SCOC: variants seen among roughly 807,000 people sequenced by gnomAD.
SCOC encodes short coiled coil protein.
SCOC carries 7 observed loss-of-function variants against 9.9 expected under a neutral mutation model. That is an observed-to-expected ratio of 0.71 (90% CI 0.40 to 1.33). The LOEUF (loss-of-function observed/expected upper bound fraction) is 1.33, where lower values mean the gene tolerates loss of function less well. SCOC is among the 40% of genes most tolerant of loss of function. The pLI is 0.01. For synonymous variants in SCOC, 19 were observed against 28.2 expected (o/e 0.67, Z 1.03); for missense variants, 66 against 89.7 (o/e 0.74, Z 1.07).
intron 2 of SCOC, among the ~76,000 whole-genome samples, chr4:140,367,254 TAAATAA>T (rs1727844144): frequency 1.3e-5 from 2 of 152,060 alleles, no homozygotes; most frequent in African/African-American, 4.8e-5. Context: ...AATAAATAAA[TAAATAA>T]AAATATTAGT....
chr4:140,311,368 C>T (rs1732151272), intron 1 of SCOC, among the ~76,000 whole-genome samples: 1 of 152,130 alleles, frequency 6.6e-6, no homozygotes, highest in Non-Finnish European at 1.5e-5. Context: ...GCTGTAAATA[C>T]CCCTAGGGAG....
chr4:140,308,527 C>A (rs905353235), intron 1 of SCOC, among the ~76,000 whole-genome samples: 8 of 152,158 alleles, frequency 5.3e-5, no homozygotes, highest in African/African-American at 1.9e-4. Flanking sequence ...CACCCTCCTG[C>A]CAAGATTCTT....
chr4:140,261,108 A>C (rs974285510), intron 1 of SCOC, among the ~76,000 whole-genome samples: 2 of 152,238 alleles, frequency 1.3e-5, no homozygotes, highest in African/African-American at 4.8e-5. Flanking sequence ...GGAAGCTCAT[A>C]GTTTAGTGGG....
upstream of SCOC, chr4:140,373,527 CG>C: frequency 1.3e-6 from 2 of 1,551,662 alleles, no homozygotes; most frequent in South Asian, 1.2e-5. Context: ...TGGGGTGAGG[CG>C]GGCAGCTAAT....
intron 1 of SCOC, among the ~76,000 whole-genome samples, chr4:140,294,430 A>C (rs1032394302): frequency 2.0e-5 from 3 of 152,194 alleles, no homozygotes; most frequent in Non-Finnish European, 4.4e-5. Flanking sequence ...AGTCCCCTAC[A>C]TGCATGAATG....
upstream of SCOC, chr4:140,373,640 G>A: frequency 6.4e-7 from 1 of 1,551,590 alleles, no homozygotes; most frequent in African/African-American, 1.4e-5. Flanking sequence ...GGGCGGAGCT[G>A]CCGGGGTCAG....
chr4:140,348,556 GTA>G (rs146275903), intron 2 of SCOC, among the ~76,000 whole-genome samples: 20,654 of 100,506 alleles, frequency 0.21, 1,606 homozygotes, highest in Admixed American at 0.3. Context: ...ATATATGTGT[GTA>G]TATATATGTA....
chr4:140,367,635 C>G (rs1490862176), intron 2 of SCOC, among the ~76,000 whole-genome samples: 10 of 152,164 alleles, frequency 6.6e-5, no homozygotes, highest in Admixed American at 6.5e-4. Context: ...GCCTCAGCCT[C>G]CCAAAGTTCT....
At chr4:140,342,197 T>G (rs1330200121), upstream of SCOC, among the ~76,000 whole-genome samples, 1 of 152,138 alleles carries the variant, frequency 6.6e-6, no homozygotes, top group Non-Finnish European at 1.5e-5. Context: ...AATACCTTCC[T>G]GTCTCTGAGC....
At chr4:140,321,360 C>A (rs1560700081) in intron 1 of SCOC, among the ~76,000 whole-genome samples, 1 of 152,104 alleles carries the variant, frequency 6.6e-6, no homozygotes, top group Non-Finnish European at 1.5e-5. Flanking sequence ...TCAACAGAAC[C>A]AGCCTCATAA....
In SCOC at chr4:140,373,692, CCTT is replaced by C. The variant is rs1409077998; in HGVS notation, c.-73_-71del. The stretch of plus-strand genomic sequence containing the variant: ...GGCCTGAGGTGTCGGCCGGATCCCT[CCTT>C]CTCCCGGCGCCTCAAGCGGAAGGTG... On this transcript the variant is annotated 5_prime_UTR_variant, in exon 1 of 4. Coordinates refer to ENST00000608372, the MANE Select transcript of SCOC (RefSeq NM_001153484.2). 2.6e-6 allele frequency: 4 copies of C among 1,549,714 alleles called. No homozygotes were observed. Among genetic ancestry groups the C allele is most frequent in the Non-Finnish European group, 3.5e-6 (4 of 1,146,874 alleles).
chr4:140,373,614 G>A, upstream of SCOC: 1 of 1,551,720 alleles, frequency 6.4e-7, no homozygotes, highest in Non-Finnish European at 8.7e-7. Flanking sequence ...CACGGCGCAC[G>A]TTCTGTGGGC....
intron 1 of SCOC, among the ~76,000 whole-genome samples, chr4:140,324,120 A>G (rs1011051720): frequency 2.0e-5 from 3 of 152,162 alleles, no homozygotes; most frequent in African/African-American, 7.2e-5. Flanking sequence ...ATTCATCTCA[A>G]TAGAAACAAA....
At chr4:140,374,027 C>T (rs1445575053) in intron 1 of SCOC, 7 of 555,812 alleles carry the variant, frequency 1.3e-5, no homozygotes, top group Non-Finnish European at 2.4e-5. Context: ...TCGGGAGCCG[C>T]TTTGCAGCTC....
intron 1 of SCOC, among the ~76,000 whole-genome samples, chr4:140,266,504 C>T (rs1730730931): frequency 6.6e-6 from 1 of 152,030 alleles, no homozygotes. Flanking sequence ...ACCTTCATTA[C>T]CTAATTATCT....
chr4:140,288,730 C>T (rs2035848452), intron 1 of SCOC, among the ~76,000 whole-genome samples: 1 of 151,932 alleles, frequency 6.6e-6, no homozygotes, highest in African/African-American at 2.4e-5. Context: ...ATACAAGTTA[C>T]AGACATGTAC....
chr4:140,300,034 T>C (rs1358647248), intron 1 of SCOC, among the ~76,000 whole-genome samples: 2 of 152,156 alleles, frequency 1.3e-5, no homozygotes, highest in South Asian at 4.1e-4. Context: ...TTGTTCCTTC[T>C]CATTTTCAGT....
chr4:140,351,345 A>T (rs1726970216), intron 2 of SCOC, among the ~76,000 whole-genome samples: 1 of 152,138 alleles, frequency 6.6e-6, no homozygotes. Flanking sequence ...AACTCTTTAT[A>T]CAAGAGCACG....
intron 1 of SCOC, among the ~76,000 whole-genome samples, chr4:140,326,127 A>G (rs912870364): frequency 6.6e-6 from 1 of 152,114 alleles, no homozygotes; most frequent in African/African-American, 2.4e-5. Context: ...AAAAGGCACA[A>G]CTATAGGGAT....
Sources: allele counts gnomAD v4.1 joint callset (sites outside exome capture counted in the v4.1 genomes callset), GRCh38; gene constraint gnomAD v4.1.1; transcripts MANE v1.5; gene names NCBI Gene and HGNC (gene_info 2026-07-23, HGNC 2026-07-21).